Variants in CACNA1C observed in about 807,000 individuals in gnomAD.
CACNA1C encodes calcium voltage-gated channel subunit alpha1 C.
A neutral mutation model predicts 229.0 loss-of-function variants in CACNA1C; 30 were observed. That is an observed-to-expected ratio of 0.13 (90% CI 0.10 to 0.18). CACNA1C has a LOEUF of 0.18. Ranked by LOEUF, CACNA1C falls within the 10% of genes least tolerant of loss-of-function variation. The probability of loss-of-function intolerance (pLI) is 1.00; values close to 1 mark genes in which losing one functional copy is unlikely to be tolerated. For missense variants in CACNA1C, 1,658 were observed against 2,845.0 expected (o/e 0.58, Z 9.49); for synonymous variants, 1,114 against 1,132.5 (o/e 0.98, Z 0.33).
chr12:2,377,929 T>C (rs2098123418), intron 3 of CACNA1C, among the ~76,000 whole-genome samples: 1 of 152,144 alleles, frequency 6.6e-6, no homozygotes, highest in Admixed American at 6.5e-5. Flanking sequence ...GCCTGAGTGC[T>C]CCCGTAAGCT....
intron 3 of CACNA1C, among the ~76,000 whole-genome samples, chr12:2,278,789 T>C (rs74847566): frequency 0.057 from 8,720 of 152,288 alleles, 318 homozygotes; most frequent in African/African-American, 0.093. Flanking sequence ...GTACGTTTAG[T>C]GTTTTAAGAA....
At chr12:2,003,717 C>G (rs1420025451) in intron 1 of CACNA1C, among the ~76,000 whole-genome samples, 2 of 152,200 alleles carry the variant, frequency 1.3e-5, no homozygotes, top group African/African-American at 4.8e-5. Flanking sequence ...CAGCTTCCTT[C>G]TAAGTGTTAG....
intron 4 of CACNA1C, among the ~76,000 whole-genome samples, chr12:2,453,192 G>T (rs916769399): frequency 4.3e-4 from 65 of 152,124 alleles, no homozygotes; most frequent in African/African-American, 1.4e-3. Context: ...CAGCCAGTCT[G>T]TGCCTGGGGG....
At chr12:2,528,911 G>A (rs906914523) in intron 9 of CACNA1C, among the ~76,000 whole-genome samples, 4 of 152,128 alleles carry the variant, frequency 2.6e-5, no homozygotes, top group African/African-American at 7.2e-5. Context: ...CCAAAAGGTC[G>A]CCCATTGGAC....
At chr12:2,041,320 A>G (rs1326436074) in intron 1 of CACNA1C, among the ~76,000 whole-genome samples, 1 of 122,062 alleles carries the variant, frequency 8.2e-6, no homozygotes, top group African/African-American at 3.2e-5. Context: ...TGTTTCGCCC[A>G]GGCCAGAGTG....
chr12:2,152,319 G>A lies in CACNA1C; in HGVS notation c.477+31889G>A, dbSNP rs1447115039. On this transcript the variant is annotated intron_variant, in intron 3 of 46. Coordinates refer to ENST00000399655, the MANE Select transcript of CACNA1C (RefSeq NM_000719.7). The surrounding 1 kb of genome is among the most constrained non-coding windows in gnomAD (Gnocchi z 4.2). ...ACTACAGTTCTCATCCTCCCTTGTG[G>A]CTAAGTGAGGTTTTGTGACTAAGTT... Among the ~76,000 whole-genome samples the A allele has an allele frequency of 6.6e-6, 1 of 152,232 alleles. No individual in the cohort carries two copies. Among genetic ancestry groups the A allele is most frequent in the Non-Finnish European group, 1.5e-5 (1 of 68,042 alleles).
intron 3 of CACNA1C, among the ~76,000 whole-genome samples, chr12:2,274,575 C>T (rs1021061483): frequency 4.6e-5 from 7 of 152,158 alleles, no homozygotes; most frequent in South Asian, 2.1e-4. Flanking sequence ...AGTGGCTTCC[C>T]GACGTGCACG....
intron 3 of CACNA1C, among the ~76,000 whole-genome samples, chr12:2,294,750 G>A (rs1160631536): frequency 1.3e-5 from 2 of 152,176 alleles, no homozygotes; most frequent in African/African-American, 2.4e-5. Flanking sequence ...ATCTCTGGCA[G>A]CCGCTGGGAC....
intron 1 of CACNA1C, among the ~76,000 whole-genome samples, chr12:2,030,431 C>T (rs1465842928): frequency 2.6e-5 from 4 of 151,812 alleles, no homozygotes; most frequent in African/African-American, 9.7e-5. Flanking sequence ...TAAACCAAGA[C>T]CTTCTTAGGT....
At chr12:2,125,607 T>C (rs114414998) in intron 3 of CACNA1C, among the ~76,000 whole-genome samples, 395 of 152,262 alleles carry the variant, frequency 2.6e-3, no homozygotes, top group African/African-American at 8.9e-3. Context: ...CATAAGTTCA[T>C]AGAGATGATT....
At chr12:2,124,149 T>TGTGCGC (rs1434332055) in intron 3 of CACNA1C, among the ~76,000 whole-genome samples, 2 of 144,362 alleles carry the variant, frequency 1.4e-5, no homozygotes, top group African/African-American at 5.2e-5. Flanking sequence ...TGTGTGTGTG[T>TGTGCGC]GCAGTCATTT....
chr12:2,198,225 A>T (rs564880821), intron 3 of CACNA1C, among the ~76,000 whole-genome samples: 2 of 152,212 alleles, frequency 1.3e-5, no homozygotes, highest in Non-Finnish European at 2.9e-5. Flanking sequence ...CCTTTAAGAC[A>T]ATACCCAGAT....
At chr12:2,570,580 A>G (rs1309138421) in intron 13 of CACNA1C, among the ~76,000 whole-genome samples, 2 of 152,202 alleles carry the variant, frequency 1.3e-5, no homozygotes, top group Non-Finnish European at 2.9e-5. Context: ...TTATTTACCC[A>G]CTACGTATAT....
At chr12:2,387,708 G>A (rs2098417375) in intron 3 of CACNA1C, among the ~76,000 whole-genome samples, 1 of 152,204 alleles carries the variant, frequency 6.6e-6, no homozygotes, top group South Asian at 2.1e-4. Context: ...AAGGTGGAAA[G>A]CTGTTCCCTG....
rs2154446534 is a variant in CACNA1C, at chr12:2,287,598, A to G, written c.478-161378A>G. Among the ~76,000 whole-genome samples the G allele has an allele frequency of 6.6e-6, 1 of 152,240 alleles. No homozygotes were observed. The highest frequency in any genetic ancestry group is 1.9e-4 in the East Asian group (1 of 5,174). On this transcript the variant is annotated intron_variant, in intron 3 of 46. Transcript: ENST00000399655. This position sits in a 1 kb window ranked among gnomAD's most constrained non-coding sequence, Gnocchi z 4.6. ...GCTCCTGTGATTCTTTAAGTTAGTA[A>G]TTCTCATCCCTGGCCACACATAAGA...
At chr12:2,004,353 AGG>A in intron 1 of CACNA1C, 1 of 1,613,306 alleles carries the variant, frequency 6.2e-7, no homozygotes, top group Non-Finnish European at 8.5e-7. Context: ...CGGTTGATAT[AGG>A]GGTCGTGGCG....
At chr12:2,572,307 TCC>T (rs2055027260) in intron 13 of CACNA1C, among the ~76,000 whole-genome samples, 1 of 145,808 alleles carries the variant, frequency 6.9e-6, no homozygotes. Flanking sequence ...TTCCTCCTCC[TCC>T]TCCTCCTCCT....
chr12:2,643,237 C>T (rs796508940), intron 30 of CACNA1C, among the ~76,000 whole-genome samples: 11 of 152,316 alleles, frequency 7.2e-5, no homozygotes, highest in African/African-American at 1.9e-4. Flanking sequence ...CACAAAAGCC[C>T]GTGGGTTTCC....
chr12:2,592,952 G>C (rs1358358350), intron 18 of CACNA1C, among the ~76,000 whole-genome samples: 1 of 151,990 alleles, frequency 6.6e-6, no homozygotes, highest in African/African-American at 2.4e-5. Flanking sequence ...GGGGTTTCCT[G>C]GGATGTGGGA....
Sources: gnomAD v4.1 joint callset for allele counts (sites outside exome capture counted in the v4.1 genomes callset) on GRCh38, gnomAD v4.1.1 for gene constraint, Gnocchi (gnomAD v3.1) non-coding constraint, MANE v1.5 for transcripts, NCBI Gene and HGNC (gene_info 2026-07-23, HGNC 2026-07-21) for gene names.